Variants in RBFOX1 observed in about 807,000 individuals in gnomAD.
RBFOX1 encodes the protein RNA binding fox-1 homolog 1, also known as RNA binding protein fox-1 homolog 1.
A neutral mutation model predicts 57.7 loss-of-function variants in RBFOX1; 8 were observed. The observed-to-expected ratio is 0.14, with a 90% CI of 0.08 to 0.25. The LOEUF is 0.25. RBFOX1 is among the 10% of genes least tolerant of loss of function. The probability of loss-of-function intolerance (pLI) is 1.00; values close to 1 mark genes in which losing one functional copy is unlikely to be tolerated. For missense variants in RBFOX1, 611 were observed against 548.5 expected (o/e 1.11, Z -1.14); for synonymous variants, 326 against 222.4 (o/e 1.47, Z -4.15).
intron 4 of RBFOX1, among the ~76,000 whole-genome samples, chr16:5,870,401 C>A (rs2057442275): frequency 7.0e-6 from 1 of 142,740 alleles, no homozygotes; most frequent in African/African-American, 2.6e-5. Context: ...AATGAAGGCA[C>A]TTGGCAAGAA....
intron 3 of RBFOX1, among the ~76,000 whole-genome samples, chr16:6,822,299 C>G (rs568664409): frequency 6.6e-6 from 1 of 152,232 alleles, no homozygotes; most frequent in African/African-American, 2.4e-5. Context: ...CACCATTATT[C>G]TTTGTTGGAC....
chr16:6,754,202 G>A (rs956210485), intron 3 of RBFOX1, among the ~76,000 whole-genome samples: 9 of 152,122 alleles, frequency 5.9e-5, no homozygotes, highest in African/African-American at 2.2e-4. Context: ...GCTACAGCTA[G>A]GAAAGTGTCT....
At chr16:5,731,061 A>C (rs887798084) in intron 3 of RBFOX1, among the ~76,000 whole-genome samples, 1 of 148,782 alleles carries the variant, frequency 6.7e-6, no homozygotes, top group East Asian at 1.9e-4. Flanking sequence ...CATTGTCACC[A>C]ATGTAAGCAC....
At chr16:5,321,361 C>T (rs2064400784) in intron 1 of RBFOX1, among the ~76,000 whole-genome samples, 1 of 151,852 alleles carries the variant, frequency 6.6e-6, no homozygotes. Context: ...GCTTTGTCAC[C>T]CAGGCTGGAG....
At chr16:5,864,103 G>C (rs1237330403) in intron 3 of RBFOX1, among the ~76,000 whole-genome samples, 1 of 151,962 alleles carries the variant, frequency 6.6e-6, no homozygotes, top group East Asian at 1.9e-4. Flanking sequence ...CTTTCTATGT[G>C]TCCATGTGCT....
chr16:6,816,160 A>T (rs1312634718), intron 3 of RBFOX1, among the ~76,000 whole-genome samples: 2 of 151,968 alleles, frequency 1.3e-5, no homozygotes, highest in Non-Finnish European at 2.9e-5. Context: ...TTTTATTTTT[A>T]ATTAGGTAGG....
chr16:5,665,525 G>T (rs1403854149), intron 3 of RBFOX1, among the ~76,000 whole-genome samples: 1 of 152,148 alleles, frequency 6.6e-6, no homozygotes, highest in Non-Finnish European at 1.5e-5. Context: ...AAATTAAACG[G>T]GATTGTATGT....
chr16:6,343,765 C>T (rs981255683), intron 2 of RBFOX1, among the ~76,000 whole-genome samples: 20 of 152,132 alleles, frequency 1.3e-4, no homozygotes, highest in Non-Finnish European at 2.6e-4. Flanking sequence ...TTGAATCAGT[C>T]GTCTTTCTCA....
At chr16:7,519,889 T>C in intron 5 of RBFOX1, 1 of 317,534 alleles carries the variant, frequency 3.1e-6, no homozygotes, top group Non-Finnish European at 4.6e-6. Context: ...TTTTTGTTTT[T>C]GTTTTTGTTT....
At chr16:6,263,540 G>C (rs1337593621) in intron 1 of RBFOX1, among the ~76,000 whole-genome samples, 3 of 152,062 alleles carry the variant, frequency 2.0e-5, no homozygotes, top group African/African-American at 7.2e-5. Context: ...TTTCCAATCT[G>C]TCTTCCATTC....
intron 1 of RBFOX1, among the ~76,000 whole-genome samples, chr16:6,050,888 A>G (rs1240753082): frequency 1.3e-5 from 2 of 151,014 alleles, no homozygotes; most frequent in Non-Finnish European, 2.9e-5. Flanking sequence ...ATCTTTGTTG[A>G]TGCTCAGATT....
At chr16:7,001,939 C>T (rs990833488) in intron 3 of RBFOX1, among the ~76,000 whole-genome samples, 10 of 152,004 alleles carry the variant, frequency 6.6e-5, no homozygotes, top group Non-Finnish European at 1.5e-4. Context: ...TACTTTTTTT[C>T]TCCTGGAGTT....
chr16:7,307,865 C>A (rs866268203), intron 4 of RBFOX1, among the ~76,000 whole-genome samples: 1 of 152,200 alleles, frequency 6.6e-6, no homozygotes, highest in African/African-American at 2.4e-5. Flanking sequence ...CAGGGAAAGT[C>A]CCTGCCTCAA....
intron 2 of RBFOX1, among the ~76,000 whole-genome samples, chr16:6,567,140 T>A (rs2097277836): frequency 6.6e-6 from 1 of 152,172 alleles, no homozygotes; most frequent in Non-Finnish European, 1.5e-5. Flanking sequence ...CGCCTTTGGT[T>A]TGGGGATAAT....
intron 4 of RBFOX1, among the ~76,000 whole-genome samples, chr16:7,341,032 G>T (rs1268632234): frequency 6.6e-6 from 1 of 152,116 alleles, no homozygotes. Flanking sequence ...TTTGATGGTG[G>T]AGCAGAGTCC....
chr16:7,442,436 T>G (rs985301530), intron 4 of RBFOX1, among the ~76,000 whole-genome samples: 2 of 152,096 alleles, frequency 1.3e-5, no homozygotes, highest in Non-Finnish European at 2.9e-5. Flanking sequence ...CAGACCTGCA[T>G]GCTGTACAAA....
intron 1 of RBFOX1, among the ~76,000 whole-genome samples, chr16:5,407,479 G>A (rs183158504): frequency 6.6e-6 from 1 of 152,100 alleles, no homozygotes; most frequent in African/African-American, 2.4e-5. Context: ...GCTTGTGGAC[G>A]GAGTGTGGAG....
intron 4 of RBFOX1, among the ~76,000 whole-genome samples, chr16:5,944,844 A>T (rs2059364157): frequency 7.0e-6 from 1 of 143,316 alleles, no homozygotes; most frequent in Admixed American, 7.3e-5. Flanking sequence ...CTGTAGTCCC[A>T]GCTACTCAGG....
chr16:5,371,866 G>A (rs1417649535), intron 1 of RBFOX1, among the ~76,000 whole-genome samples: 2 of 152,152 alleles, frequency 1.3e-5, no homozygotes, highest in African/African-American at 4.8e-5. Flanking sequence ...ATGGTTACTT[G>A]ACCTCTGCAA....
Sources: allele counts gnomAD v4.1 joint callset (sites outside exome capture counted in the v4.1 genomes callset), GRCh38; gene constraint gnomAD v4.1.1; transcripts MANE v1.5; gene names NCBI Gene and HGNC (gene_info 2026-07-23, HGNC 2026-07-21).